Variants in WDR90 observed in about 807,000 individuals in gnomAD.
WDR90 encodes WD repeat-containing protein 90.
Under a neutral mutation model 195.2 loss-of-function variants are expected in WDR90, and 238 were observed. The observed-to-expected ratio is 1.22, with a 90% CI of 1.10 to 1.36. The LOEUF is 1.36. Among genes scored for constraint, WDR90 ranks in the 40% most tolerant of loss-of-function variants. The pLI is 0.00. For synonymous variants in WDR90, 1,265 were observed against 1,052.4 expected (o/e 1.20, Z -3.91); for missense variants, 2,734 against 2,439.5 (o/e 1.12, Z -2.54).
At position 650,584 on chromosome 16, in the gene WDR90, A is replaced by G. The variant is rs1163444909; in HGVS notation, c.434A>G (p.Gln145Arg). The change falls in exon 5 of 41, where the codon CAG becomes CGG. Residue 145 changes from glutamine to arginine, a missense_variant. By Grantham distance (43) the Gln-to-Arg change is conservative. Transcript: ENST00000293879. ...TCCGGAGCCCGCTGGACCTGCCTGC[A>G]GCTCGATCTGCAGGACGTTCTCCTG... ...APSGARWTCL[Q>R]LDLQDVLLVY... The G allele has an allele frequency of 6.2e-7, 1 of 1,612,492 alleles. No homozygotes were observed. The highest frequency in any genetic ancestry group is 1.7e-5 in the Admixed American group (1 of 60,014).
chr16:660,987 C>CTT, intron 28 of WDR90, 64 bp from the exon 29 acceptor site: 1 of 126,792 alleles, frequency 7.9e-6, no homozygotes, highest in South Asian at 1.1e-4. Flanking sequence ...GGCCCCTCCC[C>CTT]AGGCCCCTCC....
rs745774061 is a variant in WDR90, at chr16:653,639, C to T, written c.1348C>T (p.Arg450Trp). The change falls in exon 12 of 41, where the codon CGG becomes TGG. Residue 450 changes from arginine (R) to tryptophan (W), a missense_variant. By Grantham distance (101) the Arg-to-Trp change is moderately radical. Transcript: ENST00000293879. The stretch of plus-strand genomic sequence containing the variant: ...GACCGGGCGGTGCTTGTGCCTGTTC[C>T]GGAGCCCAATGCACGTTGTCTGCTC... ...FQTGRCLCLF[R>W]SPMHVVCSLS... 14 of 1,613,552 alleles carry T rather than the reference C, an allele frequency of 8.7e-6. No individual in the cohort carries two copies. The highest frequency in any genetic ancestry group is 1.3e-5 in the African/African-American group (1 of 75,060).
At chr16:650,765 G>C (rs1012909544) in intron 5 of WDR90, 56 bp downstream of exon 5, 1 of 1,582,792 alleles carries the variant, frequency 6.3e-7, no homozygotes, top group African/African-American at 1.3e-5. Context: ...CTCAGCCCTG[G>C]AGAGGCCCAA....
At chr16:656,097 C>A (rs916335825) in intron 17 of WDR90, 4 of 758,814 alleles carry the variant, frequency 5.3e-6, no homozygotes, top group Non-Finnish European at 8.4e-6. Flanking sequence ...CCCGGTGGGA[C>A]GTGGGTAGTG....
chr16:661,075 G>A lies in WDR90; in HGVS notation c.3416G>A (p.Arg1139His), dbSNP rs377695532. The change falls in exon 29 of 41, where the codon CGC (arginine) becomes CAC (histidine). Residue 1139 changes from arginine to histidine, a missense_variant. Arg to His is a conservative substitution (Grantham distance 29, BLOSUM62 0). Transcript: ENST00000293879. Reference sequence around the variant, plus strand: ...GGCTTCTTTGCCTACACGTGCGGCCGCCTGGTGGTGGTGGAGGACCTGCAC... The same window carrying A: ...GGCTTCTTTGCCTACACGTGCGGCCACCTGGTGGTGGTGGAGGACCTGCAC... ...DTGFFAYTCG[R>H]LVVVEDLHSG... The A allele has an allele frequency of 5.2e-5, 76 of 1,448,820 alleles. No individual in the cohort carries two copies. Among genetic ancestry groups the A allele is most frequent in the East Asian group, 4.7e-4 (11 of 23,374 alleles). 89.7% of individuals were successfully genotyped at this position (1,448,820 alleles called of 1,614,324 possible).
intron 33 of WDR90, 72 bp downstream of exon 33, chr16:662,403 T>C: frequency 6.6e-7 from 1 of 1,511,714 alleles, no homozygotes; most frequent in Non-Finnish European, 8.9e-7. Context: ...TTGCAGCCAG[T>C]GCCCCGCCCC....
chr16:651,797 G>A (rs1463281197), intron 8 of WDR90, 30 bp from the exon 9 acceptor site: 2 of 1,611,886 alleles, frequency 1.2e-6, no homozygotes, highest in East Asian at 2.2e-5. Flanking sequence ...TGATGGCCCA[G>A]GACGCTGATG....
chr16:654,057 C>T (rs2037697548), intron 13 of WDR90: 1 of 536,462 alleles, frequency 1.9e-6, no homozygotes, highest in South Asian at 2.9e-5. Flanking sequence ...CGTTTACACA[C>T]CTCGCCTCGT....
In WDR90 at chr16:658,217, C is replaced by T. The variant is rs1421731490; in HGVS notation, c.2639C>T (p.Ala880Val). The T allele has an allele frequency of 1.1e-5, 18 of 1,612,058 alleles. No homozygotes were observed. Among genetic ancestry groups the T allele is most frequent in the Non-Finnish European group, 1.4e-5 (17 of 1,179,666 alleles). ...GTTGACATCGGCACTCTGGACCTGG[C>T]CAGCAGCCGCCTGGACTCAGCCATG... Reference protein sequence around the residue: ...LRVDIGTLDLASSRLDSAMAV... With the variant: ...LRVDIGTLDLVSSRLDSAMAV... Residue 880 changes from alanine (A) to valine (V), a missense_variant, in exon 22 of 41, where the codon GCC becomes GTC. Physicochemically the swap from Ala to Val is moderately conservative, Grantham distance 64. Transcript: ENST00000293879.
chr16:656,486 C>G lies in WDR90; in HGVS notation c.2151C>G (p.Thr717=). The change falls in exon 18 of 41, where the codon ACC becomes ACG. Residue 717 remains threonine (T), a synonymous_variant. Transcript: ENST00000293879. ...AGCAGAGGCGGGGACAGCTGGCCAC[C>G]GTGTCCCAGGACCGTACCGTCCGCA... ...AMEQRRGQLA[T]VSQDRTVRIW... The G allele has an allele frequency of 1.3e-6, 2 of 1,583,042 alleles. No homozygotes were observed. The highest frequency in any genetic ancestry group is 1.7e-6 in the Non-Finnish European group (2 of 1,167,520).
intron 37 of WDR90, 35 bp from the exon 38 acceptor site, chr16:666,420 A>C: frequency 6.2e-7 from 1 of 1,608,350 alleles, no homozygotes; most frequent in East Asian, 2.2e-5. Flanking sequence ...TCTTGGCAGA[A>C]GGCACCTGTC....
chr16:651,303 C>T (rs2076144), intron 7 of WDR90, 37 bp downstream of exon 7: 417,522 of 1,606,748 alleles, frequency 0.26, 62,684 homozygotes, highest in East Asian at 0.67. Context: ...CAGGTTAAGG[C>T]CTGTAGGGTG....
intron 9 of WDR90, 187 bp from the exon 10 acceptor site, chr16:652,280 C>A: frequency 1.2e-6 from 1 of 817,362 alleles, no homozygotes; most frequent in Non-Finnish European, 1.9e-6. Flanking sequence ...GGGGGACCCT[C>A]GAAGGTCTGG....
At chr16:649,962 G>T (rs199719386) in intron 2 of WDR90, 29 bp from the exon 3 acceptor site, 123 of 1,610,530 alleles carry the variant, frequency 7.6e-5, no homozygotes, top group Middle Eastern at 5.0e-4. Flanking sequence ...TCTGGGTGCT[G>T]TCGGTGATGC....
At chr16:665,844 C>T (rs2038014460) in intron 35 of WDR90, 43 bp downstream of exon 35, 1 of 1,554,444 alleles carries the variant, frequency 6.4e-7, no homozygotes, top group Non-Finnish European at 8.7e-7. Context: ...TGGGGGCCTG[C>T]TCAGTGGGGG....
In WDR90 at chr16:657,901, G is replaced by A. The variant is rs754192955; in HGVS notation, c.2604+9G>A. On this transcript the variant is annotated intron_variant, in intron 21 of 40. Coordinates refer to ENST00000293879, the MANE Select transcript of WDR90 (RefSeq NM_145294.5). ...CGGCCTCCCTTGATGAGGTGAGTCC[G>A]CAGCCCTCCTGGGTCCAGGGAGACT... 5.3e-5 allele frequency: 83 copies of A among 1,558,396 alleles called. No individual in the cohort carries two copies. Among genetic ancestry groups the A allele is most frequent in the Admixed American group, 2.1e-4 (11 of 51,234 alleles).
chr16:667,292 G>A, intron 40 of WDR90, 140 bp from the exon 41 acceptor site: 5 of 1,176,188 alleles, frequency 4.3e-6, no homozygotes, highest in Non-Finnish European at 5.8e-6. Context: ...GTGGCACGTG[G>A]AGGGCACAGC....
At chr16:665,315 C>G in intron 34 of WDR90, 1 of 475,010 alleles carries the variant, frequency 2.1e-6, no homozygotes, top group South Asian at 3.0e-5. Flanking sequence ...TGTCTTTCAG[C>G]CTCAGTCTGC....
chr16:664,204 CG>C (rs1567222845), intron 34 of WDR90, among the ~76,000 whole-genome samples: 1 of 151,810 alleles, frequency 6.6e-6, no homozygotes, highest in African/African-American at 2.4e-5. Context: ...GAGGAAACCC[CG>C]TGCGTGCCTG....
Sources: gnomAD v4.1 joint callset for allele counts (sites outside exome capture counted in the v4.1 genomes callset) on GRCh38, gnomAD v4.1.1 for gene constraint, MANE v1.5 for transcripts, NCBI Gene and HGNC (gene_info 2026-07-23, HGNC 2026-07-21) for gene names.